The following DICER1 variants were observed in gnomAD, a reference collection of about 807,000 sequenced individuals.
The protein encoded by DICER1 is endoribonuclease Dicer.
A neutral mutation model predicts 194.1 loss-of-function variants in DICER1; 43 were observed. The ratio of observed to expected loss-of-function variants is 0.22; its 90% CI spans 0.17 to 0.29. DICER1 has a LOEUF of 0.29. Among genes scored for constraint, DICER1 ranks in the 10% least tolerant of loss-of-function variants. DICER1 has a pLI of 1.00. For synonymous variants in DICER1, 832 were observed against 820.5 expected, an observed-to-expected ratio of 1.01 and a Z score of -0.24; for missense variants, 1,608 against 2,317.0, an observed-to-expected ratio of 0.69 and a Z score of 6.28.
chr14:95,096,111 C>T lies in DICER1; in HGVS notation c.4809G>A (p.Leu1603=), dbSNP rs2139843019. ...VIKRTDREKA[L]CPTRENFNSQ... is the part of the protein sequence containing the mutation. ...TGTTGAAATTCTCCCGAGTAGGGCA[C>T]AGGGCCTTTTCCCGATCAGTCCTTT... Residue 1603 remains leucine, a synonymous_variant, in exon 23 of 27, where the codon CTG becomes CTA. Coordinates refer to ENST00000343455, the MANE Select transcript of DICER1 (RefSeq NM_177438.3). 1 of 1,614,210 alleles carries T rather than the reference C, an allele frequency of 6.2e-7. No individual in the cohort carries two copies. Among genetic ancestry groups the T allele is most frequent in the East Asian group, 2.2e-5 (1 of 44,886 alleles).
intron 1 of DICER1, among the ~76,000 whole-genome samples, chr14:95,146,214 A>G (rs1895124357): frequency 6.6e-6 from 1 of 152,216 alleles, no homozygotes; most frequent in South Asian, 2.1e-4. Context: ...TTTGTTTTTC[A>G]AGAGAACTAC....
At chr14:95,100,502 T>C (rs1234794740) in intron 21 of DICER1, among the ~76,000 whole-genome samples, 1 of 152,176 alleles carries the variant, frequency 6.6e-6, no homozygotes, top group African/African-American at 2.4e-5. Flanking sequence ...TTTACAGCCA[T>C]TTCAAGACAC....
intron 13 of DICER1, among the ~76,000 whole-genome samples, chr14:95,111,836 T>G (rs1041608325): frequency 2.6e-5 from 4 of 151,774 alleles, no homozygotes; most frequent in South Asian, 2.1e-4. Context: ...TATACTAGTA[T>G]AGACTAATTT....
In DICER1 at chr14:95,093,851, G is replaced by A. The variant is rs759451663; in HGVS notation, c.5364+37C>T. 1.9e-6 allele frequency: 3 copies of A among 1,611,448 alleles called. No homozygotes were observed. In the African/African-American group the frequency reaches 4.0e-5, roughly 22 times the overall value. ...CTGAAACTACAGAGACTCCTAGTTA[G>A]ACCACTTTTTTCAACATCGTTTTGA... is the stretch of plus-strand genomic sequence containing the variant. On this transcript the variant is annotated intron_variant, in intron 24 of 26. Transcript: ENST00000343455.
intron 8 of DICER1, 30 bp from the exon 9 acceptor site, chr14:95,117,784 A>T (rs1892615277): frequency 1.9e-6 from 3 of 1,608,194 alleles, no homozygotes; most frequent in African/African-American, 2.7e-5. Flanking sequence ...TTGGAAGTTA[A>T]ACGTTGCTGA....
intron 2 of DICER1, among the ~76,000 whole-genome samples, chr14:95,132,966 T>C (rs574876206): frequency 1.1e-4 from 16 of 152,342 alleles, no homozygotes; most frequent in Admixed American, 7.2e-4. Flanking sequence ...CATGAATGAC[T>C]AAACTTAGAG....
intron 8 of DICER1, among the ~76,000 whole-genome samples, chr14:95,120,177 T>C (rs1164908703): frequency 6.6e-6 from 1 of 152,208 alleles, no homozygotes; most frequent in Non-Finnish European, 1.5e-5. Context: ...ACAACTCCTT[T>C]AACAGTATCC....
At chr14:95,109,691 G>A (rs1161068517) in intron 14 of DICER1, among the ~76,000 whole-genome samples, 1 of 152,180 alleles carries the variant, frequency 6.6e-6, no homozygotes, top group Non-Finnish European at 1.5e-5. Context: ...ATGCTAAGCT[G>A]GGTGCAAAAT....
chr14:95,129,692 G>A, intron 5 of DICER1, 60 bp from the exon 6 acceptor site: 1 of 1,474,030 alleles, frequency 6.8e-7, no homozygotes, highest in Non-Finnish European at 9.4e-7. Context: ...TAACAAGAGA[G>A]ACATCGCCAT....
Position 95,103,803 on chromosome 14 carries a change from T to C in DICER1, c.3593A>G (p.Gln1198Arg). 6.2e-7 allele frequency: 1 copy of C among 1,614,204 alleles called. No homozygotes were observed. The change falls in exon 21 of 27, where the codon CAA becomes CGA. Residue 1198 changes from glutamine to arginine, a missense_variant. By Grantham distance (43) the Gln-to-Arg change is conservative. This residue lies in a region of DICER1 where 222 missense variants were observed against 215.5 expected (regional missense o/e 1.03). Coordinates refer to ENST00000343455, the MANE Select transcript of DICER1 (RefSeq NM_177438.3). ...CTTGTAGTAATTTAGCTGATTTCCT[T>C]GGCAAAAGTCTCTGTTAGCTAAATC... ...SYDLANRDFC[Q>R]GNQLNYYKQE...
chr14:95,153,598 C>T (rs1895656426), intron 1 of DICER1, among the ~76,000 whole-genome samples: 1 of 152,118 alleles, frequency 6.6e-6, no homozygotes, highest in South Asian at 2.1e-4. Flanking sequence ...AATTGGTATG[C>T]TTCCTTTCAT....
chr14:95,143,987 T>A (rs7145897), intron 1 of DICER1, among the ~76,000 whole-genome samples: 89,619 of 152,004 alleles, frequency 0.59, 28,704 homozygotes, highest in South Asian at 0.77. Flanking sequence ...ACAGCCACAC[T>A]GAAAATGAAT....
Position 95,105,302 on chromosome 14 carries a change from A to C in DICER1, c.3094-56T>G, listed in dbSNP as rs1891320157. On this transcript the variant is annotated intron_variant, in intron 19 of 26. Transcript: ENST00000343455. The surrounding 1 kb of genome is among the most constrained non-coding windows in gnomAD (Gnocchi z 4.9). ...ATACAAAGCGCACACACAAAAGAAA[A>C]AAAAAAAGACCAATTTCACTAATGG... 1 of 1,486,932 alleles carries C rather than the reference A, an allele frequency of 6.7e-7. No individual in the cohort carries two copies. The highest frequency in any genetic ancestry group is 9.3e-7 in the Non-Finnish European group (1 of 1,071,390). 92.1% of individuals were successfully genotyped at this position (1,486,932 alleles called of 1,614,324 possible). A position where few individuals can be genotyped will look rare whatever the true frequency, so the allele number is the denominator to read the frequency against.
At position 95,134,761 on chromosome 14, in the gene DICER1, G is replaced by C. The variant is rs1231982809; in HGVS notation, c.-45-1258C>G. ...CCCCACTGCCGGAGCTGAGAGCCCG[G>C]TAAGACAGCACGTCTGCGGGCCTGA... is the stretch of plus-strand genomic sequence containing the variant. On this transcript the variant is annotated intron_variant, in intron 1 of 26. Coordinates refer to ENST00000343455, the MANE Select transcript of DICER1 (RefSeq NM_177438.3). 2.6e-5 allele frequency among the ~76,000 whole-genome samples: 4 copies of C among 152,318 alleles called. No homozygotes were observed. In the Middle Eastern group the frequency reaches 0.01, roughly 389 times the overall value.
Position 95,096,463 on chromosome 14 carries a change from T to G in DICER1, c.4457A>C (p.Lys1486Thr). The G allele has an allele frequency of 6.2e-7, 1 of 1,614,176 alleles. No homozygotes were observed. The change falls in exon 23 of 27, where the codon AAA (lysine) becomes ACA (threonine). Residue 1486 changes from lysine to threonine, a missense_variant. Lys to Thr is a moderately conservative substitution (Grantham distance 78). This residue lies in a region of DICER1 where 164 missense variants were observed against 183.7 expected (regional missense o/e 0.89). Transcript: ENST00000343455. ...DSAYEWKMPKKSSLGSMPFSS... is the reference protein window; with the variant it reads ...DSAYEWKMPKTSSLGSMPFSS... ...AAATGGCATACTACCTAAGGAGGAT[T>G]TTTTGGGCATTTTCCATTCATATGC...
At position 95,090,409 on chromosome 14, in the gene DICER1, AACAACT is replaced by A; in HGVS notation, c.*83_*88del. 1 of 1,457,352 alleles carries A rather than the reference AACAACT, an allele frequency of 6.9e-7. No individual in the cohort carries two copies. 90.3% of individuals were successfully genotyped at this position (1,457,352 alleles called of 1,614,324 possible). The stretch of plus-strand genomic sequence containing the variant: ...CTGCCTTCAATTCATTCCACTCACT[AACAACT>A]TTAAGTCTTCCTTTCCGATTTAAAT... On this transcript the variant is annotated 3_prime_UTR_variant, in exon 27 of 27. Transcript: ENST00000343455.
At chr14:95,157,079 G>A (rs2140512352) in intron 1 of DICER1, among the ~76,000 whole-genome samples, 151 bp downstream of exon 1, 1 of 151,324 alleles carries the variant, frequency 6.6e-6, no homozygotes, top group South Asian at 2.1e-4. Context: ...CGAGGCAGGC[G>A]AGGCCGCGCC....
rs113164825 is a variant in DICER1, at chr14:95,090,004, C to T, written c.*494G>A. 200 of 278,602 alleles carry T rather than the reference C, an allele frequency of 7.2e-4. No individual in the cohort carries two copies. The highest frequency in any genetic ancestry group is 3.9e-3 in the African/African-American group (180 of 45,746). 17.3% of individuals were successfully genotyped at this position (278,602 alleles called of 1,614,324 possible). On this transcript the variant is annotated 3_prime_UTR_variant, in exon 27 of 27. Coordinates refer to ENST00000343455, the MANE Select transcript of DICER1 (RefSeq NM_177438.3). ...ACGTGGAAAGAAAAGACAACATTGG[C>T]GCACTTCTCCTCTCGAAAACCTTAT... is the stretch of plus-strand genomic sequence containing the variant.
intron 24 of DICER1, among the ~76,000 whole-genome samples, chr14:95,092,245 C>T (rs1187653): frequency 1 from 152,145 of 152,354 alleles, 75,970 homozygotes; most frequent in Non-Finnish European, 1. Context: ...CTATACATAA[C>T]AGAATTCCAT....
Sources: allele counts gnomAD v4.1 joint callset (sites outside exome capture counted in the v4.1 genomes callset), GRCh38; gene constraint gnomAD v4.1.1; regional missense constraint gnomAD v4.1.1; non-coding constraint Gnocchi (gnomAD v3.1); transcripts MANE v1.5; gene names NCBI Gene and HGNC (gene_info 2026-07-23, HGNC 2026-07-21).